The following FTCDNL1 variants were observed in gnomAD, a reference collection of about 807,000 sequenced individuals.
The protein encoded by FTCDNL1 is formiminotransferase cyclodeaminase N-terminal like.
Under a neutral mutation model 5.9 loss-of-function variants are expected in FTCDNL1, and 11 were observed. That is an observed-to-expected ratio of 1.87 (90% confidence interval 1.18 to 3.10). The LOEUF is 3.10. FTCDNL1 is among the 30% of genes most tolerant of loss of function. The pLI, the probability that FTCDNL1 is intolerant of heterozygous loss-of-function variation, is 0.00. For missense variants in FTCDNL1, 115 were observed against 65.5 expected (o/e 1.76, Z -2.61); for synonymous variants, 58 against 24.8 (o/e 2.34, Z -3.99).
At chr2:199,847,418 C>T (rs769961) in intron 2 of FTCDNL1, among the ~76,000 whole-genome samples, 1 of 152,004 alleles carries the variant, frequency 6.6e-6, no homozygotes, top group African/African-American at 2.4e-5. Flanking sequence ...CTGGAAGAAA[C>T]GAGATATGAT....
chr2:199,792,274 A>G (rs1699969836), intron 3 of FTCDNL1, among the ~76,000 whole-genome samples: 1 of 152,220 alleles, frequency 6.6e-6, no homozygotes, highest in African/African-American at 2.4e-5. Flanking sequence ...TATAGAAATA[A>G]TTGATACTAG....
chr2:199,729,100 C>A, the FTCDNL1 span, among the ~76,000 whole-genome samples: 1 of 152,044 alleles, frequency 6.6e-6, no homozygotes, highest in African/African-American at 2.4e-5. Context: ...AGCTACTCTG[C>A]GATGAGATGA....
intron 3 of FTCDNL1, among the ~76,000 whole-genome samples, chr2:199,803,233 T>C (rs1353372566): frequency 7.4e-6 from 1 of 135,310 alleles, no homozygotes; most frequent in South Asian, 2.4e-4. Flanking sequence ...AAATTTTAAA[T>C]GAGGAAAGAG....
At chr2:199,681,338 C>A in the FTCDNL1 span, among the ~76,000 whole-genome samples, 1 of 152,188 alleles carries the variant, frequency 6.6e-6, no homozygotes, top group Non-Finnish European at 1.5e-5. Flanking sequence ...CGCCTGTAAT[C>A]CCAGCTACTC....
At chr2:199,813,996 T>C (rs566954137) in intron 4 of FTCDNL1, among the ~76,000 whole-genome samples, 28 of 148,478 alleles carry the variant, frequency 1.9e-4, no homozygotes, top group African/African-American at 7.0e-4. Flanking sequence ...GGTTGCTGAG[T>C]ATAAAAACAG....
the FTCDNL1 span, among the ~76,000 whole-genome samples, chr2:199,735,894 C>CTCAA: frequency 0.12 from 18,686 of 152,150 alleles, 1,404 homozygotes; most frequent in Middle Eastern, 0.3. Flanking sequence ...CTATTTTTCC[C>CTCAA]TCAAAGACTC....
chr2:199,701,861 C>A, the FTCDNL1 span, among the ~76,000 whole-genome samples: 1 of 151,998 alleles, frequency 6.6e-6, no homozygotes, highest in East Asian at 1.9e-4. Context: ...ATGGCGAAAC[C>A]CCGTCTCTAC....
chr2:199,720,889 A>G, the FTCDNL1 span, among the ~76,000 whole-genome samples: 19 of 152,230 alleles, frequency 1.2e-4, 1 homozygote, highest in African/African-American at 4.3e-4. Context: ...AAAGCTTTGT[A>G]CTACACGGTA....
chr2:199,675,266 A>G, the FTCDNL1 span, among the ~76,000 whole-genome samples: 1 of 152,078 alleles, frequency 6.6e-6, no homozygotes, highest in Non-Finnish European at 1.5e-5. Context: ...TTGTGTCTAC[A>G]TCTCCTATTT....
chr2:199,751,942 T>G, the FTCDNL1 span, among the ~76,000 whole-genome samples: 14 of 152,132 alleles, frequency 9.2e-5, no homozygotes, highest in African/African-American at 2.7e-4. Context: ...AGCTTCTAAG[T>G]GCTGACATTT....
At chr2:199,780,668 C>A (rs993294622) in intron 3 of FTCDNL1, among the ~76,000 whole-genome samples, 2 of 152,134 alleles carry the variant, frequency 1.3e-5, no homozygotes, top group African/African-American at 2.4e-5. Context: ...GTAGCACACA[C>A]CCTCATTTTT....
At chr2:199,748,717 A>C in the FTCDNL1 span, among the ~76,000 whole-genome samples, 1 of 152,152 alleles carries the variant, frequency 6.6e-6, no homozygotes, top group Non-Finnish European at 1.5e-5. Flanking sequence ...TTCCATTACC[A>C]AGGAAGGTAG....
At position 199,850,783 on chromosome 2, in the gene FTCDNL1, G is replaced by GGACGCTCGCCAGGCTGCCGCAAC. The variant is rs1277352513; in HGVS notation, c.-74_-52dup. The GGACGCTCGCCAGGCTGCCGCAAC allele has an allele frequency of 3.3e-5, 5 of 152,458 alleles. No individual in the cohort carries two copies. Among genetic ancestry groups the GGACGCTCGCCAGGCTGCCGCAAC allele is most frequent in the East Asian group, 3.9e-4 (2 of 5,172 alleles). 9.4% of individuals were successfully genotyped at this position (152,458 alleles called of 1,614,324 possible). A position where few individuals can be genotyped will look rare whatever the true frequency, so the allele number is the denominator to read the frequency against. ...CCCCACCGGCACTTGGAGGCCGCAA[G>GGACGCTCGCCAGGCTGCCGCAAC]GACGCTCGCCAGGCTGCCGCAACGC... is the stretch of plus-strand genomic sequence containing the variant. On this transcript the variant is annotated 5_prime_UTR_variant, in exon 1 of 5. Coordinates refer to ENST00000420128, the MANE Select transcript of FTCDNL1 (RefSeq NM_001363886.2).
At chr2:199,848,245 C>G (rs2076781792) in intron 2 of FTCDNL1, among the ~76,000 whole-genome samples, 1 of 152,012 alleles carries the variant, frequency 6.6e-6, no homozygotes, top group African/African-American at 2.4e-5. Flanking sequence ...GTAATACTGG[C>G]CGAGGGAATA....
At chr2:199,757,330 T>C (rs569604670), downstream of FTCDNL1, among the ~76,000 whole-genome samples, 5 of 152,066 alleles carry the variant, frequency 3.3e-5, no homozygotes, top group East Asian at 7.7e-4. Context: ...AGGAAAGGGG[T>C]GCCACTAGAG....
rs144930453 is a variant in FTCDNL1, at chr2:199,795,629, TTATTAAA to T, written c.212-34801_212-34795del. On this transcript the variant is annotated intron_variant, in intron 3 of 3. Coordinates refer to the FTCDNL1 transcript ENST00000416668. ...TGGCACACAGTAGATCAACAAATAT[TTATTAAA>T]TAAGTAATTTTCTCAAAATAATAAA... Among the ~76,000 whole-genome samples, 389 of 152,316 alleles carry T rather than the reference TTATTAAA, an allele frequency of 2.6e-3. 3 individuals carry two copies. Among genetic ancestry groups the T allele is most frequent in the African/African-American group, 8.8e-3 (365 of 41,562 alleles).
rs535538275 is a variant in FTCDNL1 at position 199,812,816 on chromosome 2, CTAGT to C, written c.398-96_398-93del. 1.8e-4 allele frequency: 108 copies of C among 601,072 alleles called. No individual in the cohort carries two copies. The South Asian group carries it at 2.0e-3, about 11-fold the overall frequency. 37.2% of individuals were successfully genotyped at this position (601,072 alleles called of 1,614,324 possible). A position where few individuals can be genotyped will look rare whatever the true frequency, so the allele number is the denominator to read the frequency against. The stretch of plus-strand genomic sequence containing the variant: ...TCATTCTAAATATTGGTGTTTACTC[CTAGT>C]TAAATATTTTTTTATCAAAAAGAAA... On this transcript the variant is annotated intron_variant, in intron 4 of 4. Transcript: ENST00000420128.
chr2:199,744,657 C>T, the FTCDNL1 span, among the ~76,000 whole-genome samples: 2 of 152,166 alleles, frequency 1.3e-5, no homozygotes, highest in Non-Finnish European at 2.9e-5. Flanking sequence ...CAGCCAGAGC[C>T]GGCTAACACA....
chr2:199,797,963 T>C (rs775684511), intron 3 of FTCDNL1, among the ~76,000 whole-genome samples: 13 of 152,188 alleles, frequency 8.5e-5, no homozygotes, highest in South Asian at 2.1e-4. Flanking sequence ...CAACTCACAC[T>C]TTTTCCCACT....
Sources: gnomAD v4.1 joint callset for allele counts (sites outside exome capture counted in the v4.1 genomes callset) on GRCh38, gnomAD v4.1.1 for gene constraint, MANE v1.5 for transcripts, NCBI Gene and HGNC (gene_info 2026-07-23, HGNC 2026-07-21) for gene names.